Variants in MTRES1 observed in about 807,000 individuals in gnomAD.
MTRES1 encodes the protein uncharacterized protein C6orf203.
Under a neutral mutation model 17.4 loss-of-function variants are expected in MTRES1, and 11 were observed. That is an observed-to-expected ratio of 0.63 (90% confidence interval 0.40 to 1.05). MTRES1 has a LOEUF of 1.05. MTRES1 is among the 50% of genes least tolerant of loss of function. The pLI is 0.00. For missense variants in MTRES1, 268 were observed against 276.2 expected (o/e 0.97, Z 0.21); for synonymous variants, 94 against 99.6 (o/e 0.94, Z 0.34).
At chr6:107,047,402 T>C (rs1244821709) in intron 3 of MTRES1, among the ~76,000 whole-genome samples, 4 of 151,758 alleles carry the variant, frequency 2.6e-5, no homozygotes, top group Non-Finnish European at 5.9e-5. Context: ...TTATTTTTTA[T>C]AGAGACAGGG....
At chr6:107,047,931 G>A (rs1450697542) in intron 3 of MTRES1, among the ~76,000 whole-genome samples, 4 of 152,096 alleles carry the variant, frequency 2.6e-5, no homozygotes, top group Non-Finnish European at 5.9e-5. Context: ...GAGCAAGTTG[G>A]TGTGTGTCTG....
chr6:107,048,371 G>A (rs1466307525), intron 3 of MTRES1, among the ~76,000 whole-genome samples: 2 of 151,854 alleles, frequency 1.3e-5, no homozygotes, highest in Non-Finnish European at 2.9e-5. Context: ...CTGACCTCGT[G>A]ATCCACCCTC....
chr6:107,038,413 A>G (rs1554227148), intron 1 of MTRES1, among the ~76,000 whole-genome samples: 1 of 152,164 alleles, frequency 6.6e-6, no homozygotes, highest in Non-Finnish European at 1.5e-5. Context: ...CACCATCATA[A>G]GATGGTTTCT....
At chr6:107,048,778 CA>C (rs10599769) in intron 3 of MTRES1, among the ~76,000 whole-genome samples, 38,409 of 112,410 alleles carry the variant, frequency 0.34, 5,891 homozygotes, top group African/African-American at 0.46. Context: ...GACTCCATGT[CA>C]AAAAAAAAAA....
Position 107,044,242 on chromosome 6 carries a change from CT to C in MTRES1, c.471-10del, listed in dbSNP as rs781911177. 24 of 1,592,020 alleles carry C rather than the reference CT, an allele frequency of 1.5e-5. No individual in the cohort carries two copies. Among genetic ancestry groups the C allele is most frequent in the South Asian group, 4.4e-5 (4 of 90,140 alleles). On this transcript the variant is annotated splice_polypyrimidine_tract_variant and intron_variant, in intron 2 of 3. Transcript: ENST00000311381. ...ATCACCCAAATTGTGTACATTGTTG[CT>C]TTTTTTTGTTTTGTAGCAAAGTGGA...
chr6:107,044,673 C>T (rs970319798), intron 3 of MTRES1, among the ~76,000 whole-genome samples: 4 of 152,158 alleles, frequency 2.6e-5, no homozygotes, highest in Admixed American at 6.6e-5. Flanking sequence ...ATTTGATCCA[C>T]GTAGAATTGT....
chr6:107,051,146 G>A lies in MTRES1; in HGVS notation c.633G>A (p.Val211=). The change falls in exon 4 of 4, where the codon GTG becomes GTA. Residue 211 remains valine (V), a synonymous_variant. Transcript: ENST00000311381. ...ETVMRILLKK[V]FEEKTESEKY... ...TTATGCGGATTCTCTTGAAAAAAGT[G>A]TTTGAAGAGAAGACTGAAAGTGAAA... 1.2e-6 allele frequency: 2 copies of A among 1,613,910 alleles called. No individual in the cohort carries two copies. The highest frequency in any genetic ancestry group is 1.7e-6 in the Non-Finnish European group (2 of 1,179,790).
chr6:107,044,331 C>A lies in MTRES1; in HGVS notation c.542C>A (p.Thr181Lys). ...GAAAAATTATGGAAGAAAAGCAGAACGGTGAGATACTAACCTAAAATGACA... is the reference window on the plus strand; with the variant it reads ...GAAAAATTATGGAAGAAAAGCAGAAAGGTGAGATACTAACCTAAAATGACA... ...NEEKLWKKSR[T>K]VKVGDTLDLL... Residue 181 changes from threonine (T) to lysine (K), a missense_variant and splice_region_variant, in exon 3 of 4, where the codon ACG becomes AAG. By Grantham distance (78) the Thr-to-Lys change is moderately conservative (BLOSUM62 -1). Transcript: ENST00000311381. The A allele has an allele frequency of 1.9e-6, 3 of 1,610,160 alleles. No individual in the cohort carries two copies. Among genetic ancestry groups the A allele is most frequent in the Non-Finnish European group, 2.5e-6 (3 of 1,176,614 alleles).
At chr6:107,043,405 G>C (rs1233720295) in intron 2 of MTRES1, among the ~76,000 whole-genome samples, 2 of 151,974 alleles carry the variant, frequency 1.3e-5, no homozygotes, top group Admixed American at 1.3e-4. Flanking sequence ...ACAGTGTGGG[G>C]GTTAGGGGTG....
chr6:107,037,167 A>C (rs1774039898), intron 1 of MTRES1, among the ~76,000 whole-genome samples: 1 of 152,172 alleles, frequency 6.6e-6, no homozygotes, highest in Non-Finnish European at 1.5e-5. Context: ...ACTGGAGTGC[A>C]GTGACACGAT....
chr6:107,036,805 G>A (rs1233170840), intron 1 of MTRES1, among the ~76,000 whole-genome samples: 6 of 150,688 alleles, frequency 4.0e-5, no homozygotes, highest in East Asian at 2.0e-4. Context: ...AGCTGAGATC[G>A]CGCCACTGTA....
chr6:107,034,378 G>A (rs1246701394), intron 1 of MTRES1, among the ~76,000 whole-genome samples: 2 of 151,982 alleles, frequency 1.3e-5, no homozygotes, highest in African/African-American at 4.8e-5. Context: ...CTAAGTTGGG[G>A]CAACAGTTCC....
intron 3 of MTRES1, among the ~76,000 whole-genome samples, chr6:107,045,277 C>T (rs1582614860): frequency 6.6e-6 from 1 of 151,964 alleles, no homozygotes. Flanking sequence ...GTCAGGAGAT[C>T]GAGACCATCC....
chr6:107,051,388 C>G lies in MTRES1; in HGVS notation c.*152C>G. The stretch of plus-strand genomic sequence containing the variant: ...AAATTGGGATCCATATCTGGAGACA[C>G]TTCCCAAGGCCTGCCTCACCTCCAC... On this transcript the variant is annotated 3_prime_UTR_variant, in exon 4 of 4. Transcript: ENST00000311381. 3.1e-6 allele frequency: 2 copies of G among 648,816 alleles called. No homozygotes were observed. Among genetic ancestry groups the G allele is most frequent in the East Asian group, 2.9e-5 (1 of 34,274 alleles). 40.2% of individuals were successfully genotyped at this position (648,816 alleles called of 1,614,324 possible). A position where few individuals can be genotyped will look rare whatever the true frequency, so the allele number is the denominator to read the frequency against.
chr6:107,051,340 G>GAT lies in MTRES1; in HGVS notation c.*105_*106insTA. On this transcript the variant is annotated 3_prime_UTR_variant, in exon 4 of 4. Coordinates refer to ENST00000311381, the MANE Select transcript of MTRES1 (RefSeq NM_016487.5). ...AAATAAAGTTCTCTTAGCGTTTGTG[G>GAT]AATCTGCCGAGCCATTTTGTGGAAA... 9.5e-7 allele frequency: 1 copy of GAT among 1,048,418 alleles called. No homozygotes were observed. The allele number at this position is 1,048,418 out of a possible 1,614,324, so 64.9% of individuals were successfully genotyped here. A position where few individuals can be genotyped will look rare whatever the true frequency, so the allele number is the denominator to read the frequency against.
chr6:107,045,470 C>T (rs1204146661), intron 3 of MTRES1, among the ~76,000 whole-genome samples: 4 of 134,656 alleles, frequency 3.0e-5, no homozygotes, highest in Non-Finnish European at 4.7e-5. Flanking sequence ...GGCGACAGAG[C>T]GAGACTTCGT....
chr6:107,031,974 C>G (rs1554226496), intron 1 of MTRES1, among the ~76,000 whole-genome samples: 1 of 152,066 alleles, frequency 6.6e-6, no homozygotes, highest in African/African-American at 2.4e-5. Context: ...TCTTGGCGAC[C>G]AAGTGAAGAA....
intron 1 of MTRES1, chr6:107,030,032 ACT>A (rs2114934982): frequency 2.8e-6 from 2 of 716,630 alleles, no homozygotes; most frequent in African/African-American, 1.7e-5. Flanking sequence ...TAGACTATAA[ACT>A]CTACAAGAAT....
At chr6:107,046,283 T>A (rs1331246494) in intron 3 of MTRES1, among the ~76,000 whole-genome samples, 1 of 152,214 alleles carries the variant, frequency 6.6e-6, no homozygotes, top group Non-Finnish European at 1.5e-5. Context: ...CCTGTCTCTG[T>A]GCTGGGGCCT....
Sources: gnomAD v4.1 joint callset for allele counts (sites outside exome capture counted in the v4.1 genomes callset) on GRCh38, gnomAD v4.1.1 for gene constraint, MANE v1.5 for transcripts, NCBI Gene and HGNC (gene_info 2026-07-23, HGNC 2026-07-21) for gene names.